The following HDAC3 variants were observed in gnomAD, a reference collection of about 807,000 sequenced individuals.
HDAC3 encodes the protein histone deacetylase 3, also known as SMAP45.
In HDAC3, 21 loss-of-function variants were observed where a neutral mutation model predicts 62.3. The observed-to-expected ratio is 0.34, with a 90% CI of 0.24 to 0.49. HDAC3 has a LOEUF of 0.49. Among genes scored for constraint, HDAC3 ranks in the 20% least tolerant of loss-of-function variants. HDAC3 has a pLI of 0.99. For missense variants in HDAC3, 270 were observed against 556.9 expected (o/e 0.48, Z 5.19); for synonymous variants, 198 against 206.5 (o/e 0.96, Z 0.35).
intron 2 of HDAC3, chr5:141,635,970 T>A (rs115749168): frequency 9.8e-5 from 15 of 152,992 alleles, no homozygotes; most frequent in African/African-American, 3.6e-4. Context: ...ACAGCATGTG[T>A]ATGTCTGGTA....
Position 141,628,197 on chromosome 5 carries a change from G to A in HDAC3, c.692-10C>T. On this transcript the variant is annotated splice_polypyrimidine_tract_variant and intron_variant, in intron 8 of 14. Coordinates refer to ENST00000305264, the MANE Select transcript of HDAC3 (RefSeq NM_003883.4). The surrounding 1 kb of genome is among the most constrained non-coding windows in gnomAD (Gnocchi z 4.7). ...AAAAGGTGCTTGTAACCTGGGAGAG[G>A]GCCAAAGATGGGCACCTGGCACCCC... The A allele has an allele frequency of 1.2e-6, 2 of 1,613,422 alleles. No homozygotes were observed. Among genetic ancestry groups the A allele is most frequent in the Non-Finnish European group, 1.7e-6 (2 of 1,179,452 alleles).
chr5:141,621,719 A>G (rs1330245319), intron 14 of HDAC3, among the ~76,000 whole-genome samples, 182 bp from the exon 15 acceptor site: 1 of 152,242 alleles, frequency 6.6e-6, no homozygotes. Context: ...CTATACAGAC[A>G]CTGTCATAAA....
chr5:141,625,101 G>A lies in HDAC3; in HGVS notation c.1217+107C>T. 1 of 979,250 alleles carries A rather than the reference G, an allele frequency of 1.0e-6. No homozygotes were observed. The highest frequency in any genetic ancestry group is 1.7e-5 in the South Asian group (1 of 57,566). 60.7% of individuals were successfully genotyped at this position (979,250 alleles called of 1,614,324 possible). On this transcript the variant is annotated intron_variant, in intron 14 of 14. Transcript: ENST00000305264. The surrounding 1 kb of genome is among the most constrained non-coding windows in gnomAD (Gnocchi z 4.0). ...AGTGAGGAAATTGTAGCAGACTAAA[G>A]GAGGTAAGCCAGAGGCAATTAAACT...
chr5:141,625,946 C>T lies in HDAC3; in HGVS notation c.979+67G>A. The T allele has an allele frequency of 1.4e-6, 2 of 1,468,698 alleles. No individual in the cohort carries two copies. Among genetic ancestry groups the T allele is most frequent in the Admixed American group, 3.3e-5 (2 of 59,842 alleles). The allele number at this position is 1,468,698 out of a possible 1,614,324, so 91.0% of individuals were successfully genotyped here. On this transcript the variant is annotated intron_variant, in intron 12 of 14. Coordinates refer to ENST00000305264, the MANE Select transcript of HDAC3 (RefSeq NM_003883.4). This position sits in a 1 kb window ranked among gnomAD's most constrained non-coding sequence, Gnocchi z 4.0. Reference sequence around the variant, plus strand: ...GTAAAATTTCCCATGTGCCTTCAAACCAGGTCATTCTGGAATCTGGTGAGA... The same window carrying T: ...GTAAAATTTCCCATGTGCCTTCAAATCAGGTCATTCTGGAATCTGGTGAGA...
chr5:141,634,723 C>G (rs1212354004), intron 3 of HDAC3, 88 bp downstream of exon 3: 1 of 1,299,894 alleles, frequency 7.7e-7, no homozygotes, highest in Non-Finnish European at 1.1e-6. Context: ...GTAGGCCCCC[C>G]TTGAGATCTT....
Position 141,636,728 on chromosome 5 carries a change from T to C in HDAC3, c.55+8A>G. On this transcript the variant is annotated splice_region_variant and intron_variant, in intron 1 of 14. Transcript: ENST00000305264. ...CCCAACCCCTCATGCATATCCCTGT[T>C]TCCTCACCGTAGTGGAAGTTGCCCA... 2 of 1,614,016 alleles carry C rather than the reference T, an allele frequency of 1.2e-6. No individual in the cohort carries two copies. Among genetic ancestry groups the C allele is most frequent in the Non-Finnish European group, 8.5e-7 (1 of 1,179,916 alleles).
chr5:141,623,535 C>G (rs1006979787), intron 14 of HDAC3, among the ~76,000 whole-genome samples: 1 of 152,174 alleles, frequency 6.6e-6, no homozygotes, highest in Non-Finnish European at 1.5e-5. Context: ...ACAGGTTTTA[C>G]CAAACCAAAC....
chr5:141,626,797 TATAC>T lies in HDAC3; in HGVS notation c.831-518_831-515del, dbSNP rs758173128. Among the ~76,000 whole-genome samples, 2,991 of 139,040 alleles carry T rather than the reference TATAC, an allele frequency of 0.022. 82 individuals are homozygous for T. The highest frequency in any genetic ancestry group is 0.066 in the African/African-American group (2,396 of 36,368). The allele number at this position is 139,040 out of a possible 152,430, so 91.2% of individuals were successfully genotyped here. On this transcript the variant is annotated intron_variant, in intron 10 of 14. Coordinates refer to ENST00000305264, the MANE Select transcript of HDAC3 (RefSeq NM_003883.4). The surrounding 1 kb of genome is among the most constrained non-coding windows in gnomAD (Gnocchi z 4.6). ...GTGTGTGTGTGTGTATATATATATA[TATAC>T]ACACACACACACACACACCTCTCAG...
chr5:141,631,902 G>T (rs1178848300), intron 3 of HDAC3, among the ~76,000 whole-genome samples: 1 of 149,440 alleles, frequency 6.7e-6, no homozygotes, highest in Non-Finnish European at 1.5e-5. Context: ...AGTAATAACA[G>T]TCAATTAATA....
Position 141,621,247 on chromosome 5 carries a change from C to T in HDAC3, c.*221G>A, listed in dbSNP as rs1596428681. The T allele has an allele frequency of 2.4e-5, 13 of 540,954 alleles. No individual in the cohort carries two copies. In the East Asian group the frequency reaches 3.6e-4, roughly 15 times the overall value. 33.5% of individuals were successfully genotyped at this position (540,954 alleles called of 1,614,324 possible). A position where few individuals can be genotyped will look rare whatever the true frequency, so the allele number is the denominator to read the frequency against. On this transcript the variant is annotated 3_prime_UTR_variant, in exon 15 of 15. Coordinates refer to ENST00000305264, the MANE Select transcript of HDAC3 (RefSeq NM_003883.4). ...GCCAATAATGTCCCAGATAGCTATCCTTGTCTGTATCTCATCCCTAATAGG... is the reference window on the plus strand; with the variant it reads ...GCCAATAATGTCCCAGATAGCTATCTTTGTCTGTATCTCATCCCTAATAGG...
chr5:141,624,995 G>A (rs1428940230), intron 14 of HDAC3: 8 of 531,506 alleles, frequency 1.5e-5, no homozygotes, highest in Non-Finnish European at 2.6e-5. Flanking sequence ...TTGTGTGAAC[G>A]CCAACACCAT....
chr5:141,636,818 TCCGCCGCCCGCCGC>T lies in HDAC3; in HGVS notation c.-42_-29del. The T allele has an allele frequency of 3.3e-6, 5 of 1,498,196 alleles. No homozygotes were observed. The highest frequency in any genetic ancestry group is 4.4e-6 in the Non-Finnish European group (5 of 1,129,036). The allele number at this position is 1,498,196 out of a possible 1,614,324, so 92.8% of individuals were successfully genotyped here. On this transcript the variant is annotated 5_prime_UTR_variant, in exon 1 of 15. Coordinates refer to ENST00000305264, the MANE Select transcript of HDAC3 (RefSeq NM_003883.4). Reference sequence around the variant, plus strand: ...TGCCGGCGGGAGCAGGCCCCGCACCTCCGCCGCCCGCCGCCCGCGGCCGCCGCCAGCCCCTCCCC... The same window carrying T: ...TGCCGGCGGGAGCAGGCCCCGCACCTCCGCGGCCGCCGCCAGCCCCTCCCC...
chr5:141,636,480 A>C, intron 2 of HDAC3, 68 bp downstream of exon 2: 1 of 1,431,902 alleles, frequency 7.0e-7, no homozygotes, highest in Non-Finnish European at 9.8e-7. Context: ...CACTCAGTCC[A>C]GCCCACCTAT....
At position 141,625,245 on chromosome 5, in the gene HDAC3, C is replaced by T; in HGVS notation, c.1180G>A (p.Asp394Asn). Residue 394 changes from aspartate (D) to asparagine (N), a missense_variant, in exon 14 of 15, where the codon GAT becomes AAT. By Grantham distance (23) the Asp-to-Asn change is conservative. Around this residue, in one of 5 missense-constraint regions of HDAC3, gnomAD observed 44 missense variants for 64.3 expected, o/e 0.68. Coordinates refer to ENST00000305264, the MANE Select transcript of HDAC3 (RefSeq NM_003883.4). The surrounding 1 kb of genome is among the most constrained non-coding windows in gnomAD (Gnocchi z 4.0). ...LLTYDRTDEA[D>N]AEERGPEENY... ...TCCTCAGGACCCCTCTCCTCTGCAT[C>T]AGCCTCATCAGTCCTGTCATAGGTC... 1 of 1,614,048 alleles carries T rather than the reference C, an allele frequency of 6.2e-7. No individual in the cohort carries two copies.
intron 14 of HDAC3, chr5:141,624,735 T>C (rs1264560231): frequency 1.3e-5 from 2 of 153,024 alleles, no homozygotes; most frequent in Non-Finnish European, 2.9e-5. Context: ...TAAATTATTA[T>C]ACAGCTGATA....
Position 141,629,358 on chromosome 5 carries a change from A to C in HDAC3, c.477-52T>G, listed in dbSNP as rs745881667. ...GAGCTAGAAGTGAACCCCCCAACCC[A>C]CTCCTCTCAAACACCGGGTCTCGAA... On this transcript the variant is annotated intron_variant, in intron 6 of 14. Coordinates refer to ENST00000305264, the MANE Select transcript of HDAC3 (RefSeq NM_003883.4). The surrounding 1 kb of genome is among the most constrained non-coding windows in gnomAD (Gnocchi z 5.3). The C allele has an allele frequency of 6.2e-7, 1 of 1,608,960 alleles. No homozygotes were observed. The highest frequency in any genetic ancestry group is 8.5e-7 in the Non-Finnish European group (1 of 1,177,288).
rs1562366306 is a variant in HDAC3, at chr5:141,626,176, A to C, written c.920+18T>G. ...GCTCACACTGGACAACAGGGGAGGAAATCAGGAGAGTGCTCACCAGCAGCG... is the reference window on the plus strand; with the variant it reads ...GCTCACACTGGACAACAGGGGAGGACATCAGGAGAGTGCTCACCAGCAGCG... On this transcript the variant is annotated intron_variant, in intron 11 of 14. Transcript: ENST00000305264. This position sits in a 1 kb window ranked among gnomAD's most constrained non-coding sequence, Gnocchi z 4.6. The C allele has an allele frequency of 6.2e-7, 1 of 1,612,940 alleles. No individual in the cohort carries two copies. Among genetic ancestry groups the C allele is most frequent in the Non-Finnish European group, 8.5e-7 (1 of 1,178,890 alleles).
rs2099904480 is a variant in HDAC3 at position 141,626,766 on chromosome 5, A to G, written c.831-483T>C. ...TCAAAAAAGAAAAAAAAAAACATAT[A>G]TATGTGTGTGTGTGTGTGTATATAT... On this transcript the variant is annotated intron_variant, in intron 10 of 14. Coordinates refer to ENST00000305264, the MANE Select transcript of HDAC3 (RefSeq NM_003883.4). The surrounding 1 kb of genome is among the most constrained non-coding windows in gnomAD (Gnocchi z 4.6). Among the ~76,000 whole-genome samples the G allele has an allele frequency of 7.8e-6, 1 of 127,500 alleles. No homozygotes were observed. Among genetic ancestry groups the G allele is most frequent in the South Asian group, 2.3e-4 (1 of 4,396 alleles). 83.6% of individuals were successfully genotyped at this position (127,500 alleles called of 152,430 possible).
At position 141,621,010 on chromosome 5, in the gene HDAC3, G is replaced by C. The variant is rs2099903628; in HGVS notation, c.*458C>G. The C allele has an allele frequency of 1.1e-5, 2 of 189,854 alleles. No individual in the cohort carries two copies. Among genetic ancestry groups the C allele is most frequent in the South Asian group, 1.9e-4 (2 of 10,576 alleles). The allele number at this position is 189,854 out of a possible 1,614,324, so 11.8% of individuals were successfully genotyped here. A position where few individuals can be genotyped will look rare whatever the true frequency, so the allele number is the denominator to read the frequency against. On this transcript the variant is annotated 3_prime_UTR_variant, in exon 15 of 15. Coordinates refer to ENST00000305264, the MANE Select transcript of HDAC3 (RefSeq NM_003883.4). The stretch of plus-strand genomic sequence containing the variant: ...CATACTTCCCATCATCTGGGATTCA[G>C]GTGTTAGGGAGCCAGAGCCCCTTCC...
Sources: gnomAD v4.1 joint callset for allele counts (sites outside exome capture counted in the v4.1 genomes callset) on GRCh38, gnomAD v4.1.1 for gene constraint, gnomAD v4.1.1 regional missense constraint, Gnocchi (gnomAD v3.1) non-coding constraint, MANE v1.5 for transcripts, NCBI Gene and HGNC (gene_info 2026-07-23, HGNC 2026-07-21) for gene names.